MTAP: variants seen among roughly 807,000 people sequenced by gnomAD.
The protein encoded by MTAP is methylthioadenosine phosphorylase, also known as S-methyl-5'-thioadenosine phosphorylase.
In MTAP, 33 loss-of-function variants were observed where a neutral mutation model predicts 33.6. That is an observed-to-expected ratio of 0.98 (90% CI 0.74 to 1.31). The LOEUF (loss-of-function observed/expected upper bound fraction) is 1.31. Among genes scored for constraint, MTAP ranks in the 40% most tolerant of loss-of-function variants. The pLI is 0.00. For synonymous variants in MTAP, 148 were observed against 125.7 expected, an observed-to-expected ratio of 1.18 and a Z score of -1.19; for missense variants, 367 against 360.0, an observed-to-expected ratio of 1.02 and a Z score of -0.16.
chr9:21,844,997 C>T (rs1825343219), intron 5 of MTAP, among the ~76,000 whole-genome samples: 1 of 150,220 alleles, frequency 6.7e-6, no homozygotes, highest in Non-Finnish European at 1.5e-5. Flanking sequence ...CGCCACTGCA[C>T]TCCAGCCTGG....
At chr9:21,917,923 T>C (rs1239196282) in intron 1 of MTAP, among the ~76,000 whole-genome samples, 3 of 152,170 alleles carry the variant, frequency 2.0e-5, no homozygotes, top group African/African-American at 7.2e-5. Flanking sequence ...AAAGGAACAA[T>C]AATAATGTCT....
intron 4 of MTAP, among the ~76,000 whole-genome samples, chr9:21,823,459 G>A (rs1476035448): frequency 3.3e-5 from 5 of 152,194 alleles, no homozygotes; most frequent in Non-Finnish European, 7.3e-5. Flanking sequence ...CTTCTGGCTT[G>A]TAGAGTTTCT....
At chr9:21,829,094 A>G (rs758964194) in intron 4 of MTAP, among the ~76,000 whole-genome samples, 3 of 152,184 alleles carry the variant, frequency 2.0e-5, no homozygotes, top group Non-Finnish European at 4.4e-5. Flanking sequence ...ATTTCTTAGT[A>G]AAGTGAATCT....
At chr9:21,913,934 G>GA (rs1166910084) in intron 1 of MTAP, among the ~76,000 whole-genome samples, 4 of 152,252 alleles carry the variant, frequency 2.6e-5, no homozygotes, top group South Asian at 2.1e-4. Flanking sequence ...AAATTTACAA[G>GA]AAAAAATCGA....
At chr9:21,842,063 G>A (rs1587236836) in intron 5 of MTAP, among the ~76,000 whole-genome samples, 1 of 152,138 alleles carries the variant, frequency 6.6e-6, no homozygotes, top group East Asian at 1.9e-4. Flanking sequence ...CTTCTGCAGA[G>A]AAATATCATA....
chr9:21,811,191 G>T (rs551538036), intron 1 of MTAP, among the ~76,000 whole-genome samples: 2 of 152,298 alleles, frequency 1.3e-5, no homozygotes, highest in Admixed American at 1.3e-4. Context: ...TTTTGAAAAT[G>T]CCATTATAGA....
chr9:21,930,851 C>A, intron 1 of MTAP: 1 of 656,474 alleles, frequency 1.5e-6, no homozygotes, highest in Non-Finnish European at 2.7e-6. Context: ...AAGAACAAGC[C>A]TCTCGTGGTT....
At chr9:21,906,517 A>G (rs1375186813) in intron 1 of MTAP, among the ~76,000 whole-genome samples, 1 of 152,082 alleles carries the variant, frequency 6.6e-6, no homozygotes. Flanking sequence ...AGAAGATGCA[A>G]GAGGACTGAA....
chr9:21,867,197 C>T (rs1825866035), downstream of MTAP: 1 of 152,114 alleles, frequency 6.6e-6, no homozygotes, highest in Non-Finnish European at 1.5e-5. Context: ...GTCGTAATGG[C>T]TAGGACCTTC....
intron 1 of MTAP, among the ~76,000 whole-genome samples, chr9:21,813,145 C>CT (rs1304795570): frequency 3.9e-5 from 6 of 152,210 alleles, no homozygotes; most frequent in Admixed American, 2.6e-4. Context: ...CCCAGTTGTA[C>CT]TTTGCTGTGG....
chr9:21,921,522 G>T (rs1818787647), intron 1 of MTAP, among the ~76,000 whole-genome samples: 1 of 152,102 alleles, frequency 6.6e-6, no homozygotes, highest in Non-Finnish European at 1.5e-5. Flanking sequence ...AAATACAGTG[G>T]TCATTGTAAG....
intron 1 of MTAP, among the ~76,000 whole-genome samples, chr9:21,916,429 G>A (rs1818694343): frequency 6.6e-6 from 1 of 152,010 alleles, no homozygotes; most frequent in Non-Finnish European, 1.5e-5. Context: ...GGCCAATATG[G>A]TGAAACCCCA....
chr9:21,844,839 G>T (rs553613262), intron 5 of MTAP, among the ~76,000 whole-genome samples: 1 of 152,114 alleles, frequency 6.6e-6, no homozygotes, highest in Admixed American at 6.5e-5. Context: ...AGACCATCCT[G>T]GCTAACACGG....
At chr9:21,852,018 T>G (rs1825523794) in intron 5 of MTAP, among the ~76,000 whole-genome samples, 1 of 152,170 alleles carries the variant, frequency 6.6e-6, no homozygotes, top group South Asian at 2.1e-4. Context: ...ATTAGTTATG[T>G]CCCTCTAGAG....
At chr9:21,897,753 C>G (rs982525316) in intron 1 of MTAP, among the ~76,000 whole-genome samples, 3 of 152,194 alleles carry the variant, frequency 2.0e-5, no homozygotes, top group Non-Finnish European at 4.4e-5. Context: ...AATAGAAGAA[C>G]ATTTCATGCT....
chr9:21,816,888 C>T, intron 3 of MTAP, 116 bp downstream of exon 3: 2 of 810,038 alleles, frequency 2.5e-6, no homozygotes, highest in Non-Finnish European at 1.9e-6. Flanking sequence ...AGAATCAGAA[C>T]ATCTTAGTAA....
chr9:21,818,315 TG>T, intron 4 of MTAP, 113 bp downstream of exon 4: 8 of 536,402 alleles, frequency 1.5e-5, no homozygotes, highest in South Asian at 2.4e-5. Context: ...CAGACTCGCT[TG>T]CTTTTTTTTT....
chr9:21,829,499 C>T (rs1824914442), intron 4 of MTAP, among the ~76,000 whole-genome samples: 1 of 151,508 alleles, frequency 6.6e-6, no homozygotes, highest in Non-Finnish European at 1.5e-5. Flanking sequence ...AATCTCGGCT[C>T]ACTGCAAGTG....
chr9:21,905,654 C>G (rs912665196), intron 1 of MTAP, among the ~76,000 whole-genome samples: 1 of 151,930 alleles, frequency 6.6e-6, no homozygotes, highest in Non-Finnish European at 1.5e-5. Context: ...CCCAAGTGAC[C>G]CAAAACAAGA....
Sources: allele counts gnomAD v4.1 joint callset (sites outside exome capture counted in the v4.1 genomes callset), GRCh38; gene constraint gnomAD v4.1.1; transcripts MANE v1.5; gene names NCBI Gene and HGNC (gene_info 2026-07-23, HGNC 2026-07-21).